Variants in ADCY6 observed in about 807,000 individuals in gnomAD.
ADCY6 encodes the protein adenylate cyclase type 6.
A neutral mutation model predicts 111.6 loss-of-function variants in ADCY6; 59 were observed. The observed-to-expected ratio is 0.53, with a 90% CI of 0.43 to 0.66. The LOEUF is 0.66. Among genes scored for constraint, ADCY6 ranks in the 30% least tolerant of loss-of-function variants. The pLI is 0.00. For missense variants in ADCY6, 1,242 were observed against 1,595.6 expected, an observed-to-expected ratio of 0.78 and a Z score of 3.78; for synonymous variants, 576 against 642.9, an observed-to-expected ratio of 0.90 and a Z score of 1.57.
Position 48,777,395 on chromosome 12 carries a change from G to A in ADCY6, c.1248+15C>T. On this transcript the variant is annotated intron_variant, in intron 5 of 21. Transcript: ENST00000357869. The surrounding 1 kb of genome is among the most constrained non-coding windows in gnomAD (Gnocchi z 4.9). ...GTCAACACCCAGGCCCAATCCCAAGGCCCAGCACCCTCACCGCAGCCAGCT... is the reference window on the plus strand; with the variant it reads ...GTCAACACCCAGGCCCAATCCCAAGACCCAGCACCCTCACCGCAGCCAGCT... 1 of 1,613,502 alleles carries A rather than the reference G, an allele frequency of 6.2e-7. No homozygotes were observed. Among genetic ancestry groups the A allele is most frequent in the Non-Finnish European group, 8.5e-7 (1 of 1,179,524 alleles).
chr12:48,768,929 C>A lies in ADCY6; in HGVS notation c.3381+8G>T. ...GTTCCTCCCAGCCCCTGCTCATATCCCCCTCACCTGGATTCGGTCGGGGAC... is the reference window on the plus strand; with the variant it reads ...GTTCCTCCCAGCCCCTGCTCATATCACCCTCACCTGGATTCGGTCGGGGAC... On this transcript the variant is annotated splice_region_variant and intron_variant, in intron 21 of 21. Coordinates refer to ENST00000357869, the MANE Select transcript of ADCY6 (RefSeq NM_015270.5). 1 of 1,604,152 alleles carries A rather than the reference C, an allele frequency of 6.2e-7. No homozygotes were observed. Among genetic ancestry groups the A allele is most frequent in the Non-Finnish European group, 8.5e-7 (1 of 1,175,132 alleles).
At position 48,776,890 on chromosome 12, in the gene ADCY6, T is replaced by C. The variant is rs1233449177; in HGVS notation, c.1376+214A>G. ...CCTCTAGCCCAACTCCCCTACTGCA[T>C]AGGCTCTCCCGGCCCCATCTCGGCT... On this transcript the variant is annotated intron_variant, in intron 6 of 21. Coordinates refer to ENST00000357869, the MANE Select transcript of ADCY6 (RefSeq NM_015270.5). This position sits in a 1 kb window ranked among gnomAD's most constrained non-coding sequence, Gnocchi z 6.1. 6.6e-6 allele frequency among the ~76,000 whole-genome samples: 1 copy of C among 152,170 alleles called. No homozygotes were observed. The highest frequency in any genetic ancestry group is 2.4e-5 in the African/African-American group (1 of 41,442).
chr12:48,780,853 T>C (rs1941823743), intron 2 of ADCY6, among the ~76,000 whole-genome samples: 2 of 152,212 alleles, frequency 1.3e-5, no homozygotes, highest in Non-Finnish European at 2.9e-5. Context: ...TAAGGGCACG[T>C]GCTCCACAAA....
At chr12:48,772,574 C>A in intron 16 of ADCY6, 31 bp from the exon 17 acceptor site, 1 of 1,613,846 alleles carries the variant, frequency 6.2e-7, no homozygotes, top group Non-Finnish European at 8.5e-7. Flanking sequence ...ACAAAGTCAT[C>A]AGTGCTTCCT....
In ADCY6 at chr12:48,782,862, G is replaced by GAACAGGGC; in HGVS notation, c.565_572dup (p.Phe191LeufsTer24). ...GGTTACACACCACCATGAGCCCCAC[G>GAACAGGGC]AACAGGGCGGCGGCACAGGCCAACA... On this transcript the variant is annotated frameshift_variant, in exon 2 of 22. Coordinates refer to ENST00000357869, the MANE Select transcript of ADCY6 (RefSeq NM_015270.5). LOFTEE classifies it high-confidence loss of function. The surrounding 1 kb of genome is among the most constrained non-coding windows in gnomAD (Gnocchi z 4.3). 1 of 1,614,038 alleles carries GAACAGGGC rather than the reference G, an allele frequency of 6.2e-7. No homozygotes were observed. The highest frequency in any genetic ancestry group is 8.5e-7 in the Non-Finnish European group (1 of 1,179,958).
intron 13 of ADCY6, 37 bp downstream of exon 13, chr12:48,774,654 T>C (rs1431096057): frequency 6.2e-7 from 1 of 1,606,324 alleles, no homozygotes; most frequent in African/African-American, 1.3e-5. Flanking sequence ...GAGTCCAGCC[T>C]GCCCTCCCCA....
chr12:48,775,161 C>T, intron 11 of ADCY6, 107 bp from the exon 12 acceptor site: 1 of 1,450,576 alleles, frequency 6.9e-7, no homozygotes, highest in East Asian at 2.4e-5. Flanking sequence ...ATGCAGTTGG[C>T]TCAACTGATG....
Position 48,771,109 on chromosome 12 carries a change from T to A in ADCY6, c.3052-139A>T. 1 of 852,634 alleles carries A rather than the reference T, an allele frequency of 1.2e-6. No individual in the cohort carries two copies. Among genetic ancestry groups the A allele is most frequent in the Non-Finnish European group, 1.8e-6 (1 of 556,726 alleles). 52.8% of individuals were successfully genotyped at this position (852,634 alleles called of 1,614,324 possible). A position where few individuals can be genotyped will look rare whatever the true frequency, so the allele number is the denominator to read the frequency against. The stretch of plus-strand genomic sequence containing the variant: ...GCCCCCTTCCAGCTGCTGCTATCAG[T>A]GTAAGACTGAGGAGCTGGGAAAACA... On this transcript the variant is annotated intron_variant, in intron 19 of 21. Coordinates refer to ENST00000357869, the MANE Select transcript of ADCY6 (RefSeq NM_015270.5). The surrounding 1 kb of genome is among the most constrained non-coding windows in gnomAD (Gnocchi z 4.3).
chr12:48,783,079 C>T lies in ADCY6; in HGVS notation c.356G>A (p.Trp119Ter). The change falls in exon 2 of 22, where the codon TGG becomes TAG. Residue 119 changes from tryptophan to a stop codon, truncating the protein, a stop_gained. Coordinates refer to ENST00000357869, the MANE Select transcript of ADCY6 (RefSeq NM_015270.5). LOFTEE classifies it high-confidence loss of function. ...CTGGAACACCTGCACCAGACGGCGCCAGCAGGATCGCCCACTCCTGGGCAC... is the reference window on the plus strand; with the variant it reads ...CTGGAACACCTGCACCAGACGGCGCTAGCAGGATCGCCCACTCCTGGGCAC... ...DAVPRSGRSC[W>*]RRLVQVFQSK... The T allele has an allele frequency of 6.2e-7, 1 of 1,612,534 alleles. No homozygotes were observed. The highest frequency in any genetic ancestry group is 8.5e-7 in the Non-Finnish European group (1 of 1,179,596).
At chr12:48,784,572 C>A (rs1181980421) in intron 1 of ADCY6, among the ~76,000 whole-genome samples, 1 of 151,182 alleles carries the variant, frequency 6.6e-6, no homozygotes, top group Non-Finnish European at 1.5e-5. Context: ...GTGCATGGGG[C>A]AGGCACCACC....
intron 3 of ADCY6, 41 bp downstream of exon 3, chr12:48,778,067 G>GT: frequency 6.3e-7 from 1 of 1,575,896 alleles, no homozygotes; most frequent in Non-Finnish European, 8.6e-7. Context: ...TTATTTGGGG[G>GT]TAAGGTGGGG....
At chr12:48,781,214 A>G (rs909826501) in intron 2 of ADCY6, among the ~76,000 whole-genome samples, 4 of 150,832 alleles carry the variant, frequency 2.7e-5, no homozygotes, top group African/African-American at 9.8e-5. Flanking sequence ...AAAAAAAAAA[A>G]CCACAAAAAA....
chr12:48,789,715 C>G (rs2137409912), upstream of ADCY6: 1 of 152,210 alleles, frequency 6.6e-6, no homozygotes, highest in South Asian at 2.1e-4. Flanking sequence ...CTTGCCCGCA[C>G]ACCACTTCTT....
chr12:48,785,018 C>T (rs565001947), intron 1 of ADCY6, among the ~76,000 whole-genome samples: 1 of 152,290 alleles, frequency 6.6e-6, no homozygotes, highest in South Asian at 2.1e-4. Flanking sequence ...CAGCCTGGGA[C>T]CTCAGTGCCT....
rs771305049 is a variant in ADCY6 at position 48,782,948 on chromosome 12, T to C, written c.487A>G (p.Thr163Ala). 3.2e-5 allele frequency: 52 copies of C among 1,613,312 alleles called. No homozygotes were observed. The East Asian group carries it at 1.0e-3, about 31-fold the overall frequency. ...TLLMAVLVLL[T>A]AVLLAFHAAP... ...GCGTGGAAAGCCAGCAGCACCGCTG[T>C]GAGCAGCACCAGCACCGCCATCAGC... The change falls in exon 2 of 22, where the codon ACA becomes GCA. Residue 163 changes from threonine (T) to alanine (A), a missense_variant. By Grantham distance (58) the Thr-to-Ala change is moderately conservative. Transcript: ENST00000357869. The surrounding 1 kb of genome is among the most constrained non-coding windows in gnomAD (Gnocchi z 4.3).
In ADCY6 at chr12:48,777,163, G is replaced by A. The variant is rs1194882763; in HGVS notation, c.1317C>T (p.Ala439=). The A allele has an allele frequency of 3.1e-6, 5 of 1,613,878 alleles. No individual in the cohort carries two copies. Among genetic ancestry groups the A allele is most frequent in the Non-Finnish European group, 3.4e-6 (4 of 1,179,956 alleles). ...CYYCVSGLPE[A]RADHAHCCVE... ...CACAGCAGTGGGCATGGTCGGCCCGGGCCTCCGGCAGCCCTGACACACAGT... is the reference window on the plus strand; with the variant it reads ...CACAGCAGTGGGCATGGTCGGCCCGAGCCTCCGGCAGCCCTGACACACAGT... The change falls in exon 6 of 22, where the codon GCC becomes GCT. Residue 439 remains alanine, a synonymous_variant. Transcript: ENST00000357869. The surrounding 1 kb of genome is among the most constrained non-coding windows in gnomAD (Gnocchi z 4.9).
intron 15 of ADCY6, 122 bp from the exon 16 acceptor site, chr12:48,773,769 C>A: frequency 4.8e-6 from 7 of 1,446,170 alleles, no homozygotes; most frequent in Non-Finnish European, 5.7e-6. Flanking sequence ...ACCCCCATAT[C>A]CTCCACCTTC....
intron 14 of ADCY6, 119 bp from the exon 15 acceptor site, chr12:48,774,217 A>G (rs1182118503): frequency 9.1e-7 from 1 of 1,097,240 alleles, no homozygotes; most frequent in Admixed American, 2.2e-5. Context: ...CATGGGCCTT[A>G]GTACTCACTC....
Position 48,774,005 on chromosome 12 carries a change from T to G in ADCY6, c.2377A>C (p.Asn793His), listed in dbSNP as rs1419792998. 6.2e-7 allele frequency: 1 copy of G among 1,613,632 alleles called. No homozygotes were observed. The highest frequency in any genetic ancestry group is 1.7e-5 in the Admixed American group (1 of 59,942). Residue 793 changes from asparagine (N) to histidine (H), a missense_variant, in exon 15 of 22, where the codon AAT becomes CAT. Coordinates refer to ENST00000357869, the MANE Select transcript of ADCY6 (RefSeq NM_015270.5). ...GGAGCATCCAGGCCCAGAGAGTAATTGAGCTGCTGCAGGTGGCAGGCAGTG... is the reference window on the plus strand; with the variant it reads ...GGAGCATCCAGGCCCAGAGAGTAATGGAGCTGCTGCAGGTGGCAGGCAGTG... ...DITACHLQQL[N>H]YSLGLDAPLC...
Sources: allele counts gnomAD v4.1 joint callset (sites outside exome capture counted in the v4.1 genomes callset), GRCh38; gene constraint gnomAD v4.1.1; non-coding constraint Gnocchi (gnomAD v3.1); transcripts MANE v1.5; gene names NCBI Gene and HGNC (gene_info 2026-07-23, HGNC 2026-07-21).